The following HCFC1 variants were observed in gnomAD, a reference collection of about 807,000 sequenced individuals.
HCFC1 encodes the protein host cell factor C1.
HCFC1 carries 7 observed loss-of-function variants against 105.5 expected under a neutral mutation model. The observed-to-expected ratio is 0.07, with a 90% CI of 0.04 to 0.12. The LOEUF is 0.12. Ranked by LOEUF, HCFC1 falls within the 10% of genes least tolerant of loss-of-function variation. The pLI, the probability that HCFC1 is intolerant of heterozygous loss-of-function variation, is 1.00. For missense variants in HCFC1, 1,065 were observed against 1,823.6 expected (o/e 0.58, Z 7.58); for synonymous variants, 918 against 828.1 (o/e 1.11, Z -1.86).
Position 153,952,537 on chromosome X carries a change from T to C in HCFC1, c.4919A>G (p.Gln1640Arg). The C allele has an allele frequency of 1.7e-6, 2 of 1,175,930 alleles. No homozygotes were observed. The highest frequency in any genetic ancestry group is 3.5e-5 in the African/African-American group (2 of 57,107). The part of the protein sequence containing the change: ...AQALAIQAVL[Q>R]AAQQAVMGTG... Reference sequence around the variant, plus strand: ...ACCCATGACGGCCTGCTGCGCGGCCTGGAGCACCGCCTGGATGGCCAGGGC... The same window carrying C: ...ACCCATGACGGCCTGCTGCGCGGCCCGGAGCACCGCCTGGATGGCCAGGGC... Residue 1640 changes from glutamine to arginine, a missense_variant, in exon 19 of 26, where the codon CAG becomes CGG. By Grantham distance (43) the Gln-to-Arg change is conservative. Around this residue, in one of 17 missense-constraint regions of HCFC1, gnomAD observed 115 missense variants for 143.7 expected, o/e 0.80. Coordinates refer to ENST00000310441, the MANE Select transcript of HCFC1 (RefSeq NM_005334.3).
At chrX:153,956,044 C>T in intron 16 of HCFC1, 147 bp downstream of exon 16, 1 of 517,332 alleles carries the variant, frequency 1.9e-6, no homozygotes, top group South Asian at 3.0e-5. Flanking sequence ...AGGGAAAATG[C>T]CCCAGGTGAG....
chrX:153,958,779 C>T lies in HCFC1; in HGVS notation c.1606-13G>A, dbSNP rs782300809. The T allele has an allele frequency of 5.1e-5, 58 of 1,140,034 alleles. No homozygotes were observed. The Admixed American group carries it at 7.6e-4, about 15-fold the overall frequency. The allele number at this position is 1,140,034 out of a possible 1,213,427, so 94.0% of individuals were successfully genotyped here. ...TACTGCCAATCACCTGCAGCAGGCA[C>T]GGGCATGTGAGGCCAGGTCACAGGT... On this transcript the variant is annotated splice_polypyrimidine_tract_variant and intron_variant, in intron 9 of 25. Coordinates refer to ENST00000310441, the MANE Select transcript of HCFC1 (RefSeq NM_005334.3).
chrX:153,958,838 G>T, intron 9 of HCFC1, 72 bp from the exon 10 acceptor site: 1 of 844,868 alleles, frequency 1.2e-6, no homozygotes, highest in Non-Finnish European at 1.6e-6. Flanking sequence ...GACCTCACCG[G>T]AACCTGCCCA....
chrX:153,959,499 G>A lies in HCFC1; in HGVS notation c.1445-8C>T. 1 of 1,211,005 alleles carries A rather than the reference G, an allele frequency of 8.3e-7. No homozygotes were observed. Among genetic ancestry groups the A allele is most frequent in the Non-Finnish European group, 1.1e-6 (1 of 895,028 alleles). ...TGAGAACAGCAGGGACACCTGATGAGAGAAGGGGCCAGCCGTCAGCCATCA... is the reference window on the plus strand; with the variant it reads ...TGAGAACAGCAGGGACACCTGATGAAAGAAGGGGCCAGCCGTCAGCCATCA... On this transcript the variant is annotated splice_region_variant and splice_polypyrimidine_tract_variant and intron_variant, in intron 8 of 25. Transcript: ENST00000310441.
chrX:153,956,791 A>C (rs782089252), intron 14 of HCFC1, 28 bp from the exon 15 acceptor site: 1 of 1,207,546 alleles, frequency 8.3e-7, no homozygotes, highest in Non-Finnish European at 1.1e-6. Flanking sequence ...AGTGCCACCA[A>C]CGTCACCACC....
chrX:153,966,838 G>A (rs1159982108), intron 1 of HCFC1, among the ~76,000 whole-genome samples: 1 of 112,624 alleles, frequency 8.9e-6, no homozygotes, highest in Admixed American at 9.3e-5. Context: ...ATGGGGCTGC[G>A]GGTCAGAGTT....
intron 5 of HCFC1, 86 bp downstream of exon 5, chrX:153,962,136 C>T (rs1369055884): frequency 2.8e-6 from 2 of 721,616 alleles, no homozygotes; most frequent in Non-Finnish European, 4.3e-6. Context: ...GCCTTAGGGT[C>T]TGACAGGACA....
At position 153,958,716 on chromosome X, in the gene HCFC1, C is replaced by T. The variant is rs781870452; in HGVS notation, c.1656G>A (p.Ala552=). The part of the protein sequence containing the change: ...QMSGMAALAA[A]AAATQKIPPS... Reference sequence around the variant, plus strand: ...GGGGGATCTTCTGGGTGGCAGCGGCCGCAGCGGCCAGTGCGGCCATCCCAC... The same window carrying T: ...GGGGGATCTTCTGGGTGGCAGCGGCTGCAGCGGCCAGTGCGGCCATCCCAC... Residue 552 remains alanine, a synonymous_variant, in exon 10 of 26, where the codon GCG becomes GCA. Coordinates refer to ENST00000310441, the MANE Select transcript of HCFC1 (RefSeq NM_005334.3). 8 of 1,191,917 alleles carry T rather than the reference C, an allele frequency of 6.7e-6. No homozygotes were observed. The highest frequency in any genetic ancestry group is 3.0e-5 in the East Asian group (1 of 33,030).
chrX:153,970,858 C>T lies in HCFC1; in HGVS notation c.-18G>A. On this transcript the variant is annotated 5_prime_UTR_variant, in exon 1 of 26. Transcript: ENST00000310441. ...GAAGCCATAGTTCCGGGAAAGGGTG[C>T]GGTGGGGAGAAGTCAACAAGCGGGA... 1.8e-6 allele frequency: 2 copies of T among 1,133,957 alleles called. No individual in the cohort carries two copies. The highest frequency in any genetic ancestry group is 1.8e-5 in the African/African-American group (1 of 54,220). The allele number at this position is 1,133,957 out of a possible 1,213,427, so 93.5% of individuals were successfully genotyped here. A position where few individuals can be genotyped will look rare whatever the true frequency, so the allele number is the denominator to read the frequency against.
rs782757775 is a variant in HCFC1, at chrX:153,956,668, G to A, written c.2592C>T (p.Ala864=). The A allele has an allele frequency of 8.2e-5, 99 of 1,210,237 alleles. 1 individual carries two copies. The South Asian group carries it at 1.7e-3, about 20-fold the overall frequency. The part of the protein sequence containing the change: ...VRLVTPVTVS[A]VKPAVTTLVV... ...CCAACGTGGTGACGGCTGGCTTGAC[G>A]GCGGAGACGGTGACGGGTGTGACCA... Residue 864 remains alanine, a synonymous_variant, in exon 15 of 26, where the codon GCC becomes GCT. Transcript: ENST00000310441.
intron 9 of HCFC1, 110 bp from the exon 10 acceptor site, chrX:153,958,876 T>A: frequency 5.4e-6 from 3 of 559,887 alleles, no homozygotes; most frequent in Non-Finnish European, 8.0e-6. Flanking sequence ...GGGAGCCTCA[T>A]CCCGCCAGCA....
chrX:153,952,531 G>A lies in HCFC1; in HGVS notation c.4925C>T (p.Ala1642Val), dbSNP rs782330667. 3 of 1,167,215 alleles carry A rather than the reference G, an allele frequency of 2.6e-6. No individual in the cohort carries two copies. Among genetic ancestry groups the A allele is most frequent in the East Asian group, 3.0e-5 (1 of 33,320 alleles). Reference protein sequence around the residue: ...ALAIQAVLQAAQQAVMGTGEP... With the variant: ...ALAIQAVLQAVQQAVMGTGEP... ...GCACTCACCCATGACGGCCTGCTGC[G>A]CGGCCTGGAGCACCGCCTGGATGGC... The change falls in exon 19 of 26, where the codon GCG (alanine) becomes GTG (valine). Residue 1642 changes from alanine to valine, a missense_variant. Ala to Val is a moderately conservative substitution (Grantham distance 64, BLOSUM62 0). Around this residue, in one of 17 missense-constraint regions of HCFC1, gnomAD observed 115 missense variants for 143.7 expected, o/e 0.80. Coordinates refer to ENST00000310441, the MANE Select transcript of HCFC1 (RefSeq NM_005334.3).
rs1220748352 is a variant in HCFC1 at position 153,952,082 on chromosome X, C to T, written c.5019G>A (p.Glu1673=). The T allele has an allele frequency of 8.6e-7, 1 of 1,163,568 alleles. No homozygotes were observed. Among genetic ancestry groups the T allele is most frequent in the Non-Finnish European group, 1.1e-6 (1 of 872,952 alleles). Reference sequence around the variant, plus strand: ...TGGTGGTGGCCTGGCCCTCCTGACCCTCGGCCGACAGGTGCCCCAGCTCCG... The same window carrying T: ...TGGTGGTGGCCTGGCCCTCCTGACCTTCGGCCGACAGGTGCCCCAGCTCCG... ...TQAELGHLSA[E]GQEGQATTIP... Residue 1673 remains glutamate, a synonymous_variant, in exon 20 of 26, where the codon GAG becomes GAA. Coordinates refer to ENST00000310441, the MANE Select transcript of HCFC1 (RefSeq NM_005334.3).
intron 4 of HCFC1, among the ~76,000 whole-genome samples, chrX:153,962,716 GACA>G (rs1259279400): frequency 2.7e-5 from 3 of 111,973 alleles, no homozygotes; most frequent in African/African-American, 9.8e-5. Flanking sequence ...TGATCTATAG[GACA>G]ACATCGCCAT....
chrX:153,949,092 G>A lies in HCFC1; in HGVS notation c.*255C>T, dbSNP rs1199534282. 6 of 300,479 alleles carry A rather than the reference G, an allele frequency of 2.0e-5. No individual in the cohort carries two copies. Among genetic ancestry groups the A allele is most frequent in the Non-Finnish European group, 1.2e-5 (2 of 172,164 alleles). The allele number at this position is 300,479 out of a possible 1,213,427, so 24.8% of individuals were successfully genotyped here. On this transcript the variant is annotated 3_prime_UTR_variant, in exon 26 of 26. Transcript: ENST00000310441. ...GCAAAAGTCTCTCCCCAGGGTGGGC[G>A]GCAGCGGGGAGGAAAGGAAGCGCGC...
intron 21 of HCFC1, 28 bp from the exon 22 acceptor site, chrX:153,951,515 T>C: frequency 1.7e-6 from 2 of 1,210,052 alleles, no homozygotes; most frequent in Admixed American, 2.2e-5. Context: ...TGCGACGAGA[T>C]CAGGCCCTCA....
chrX:153,963,495 G>T, intron 3 of HCFC1, 62 bp from the exon 4 acceptor site: 3 of 820,025 alleles, frequency 3.7e-6, no homozygotes, highest in Non-Finnish European at 3.6e-6. Flanking sequence ...TTCGCTGGAT[G>T]GCTATCAGTG....
At position 153,950,909 on chromosome X, in the gene HCFC1, G is replaced by T. The variant is rs1557112256; in HGVS notation, c.5607C>A (p.Ile1869=). ...TGAAGGGCCCCCGGCCACAGGCATTGATTCCGGCAACACGAAACTTATAGG... is the reference window on the plus strand; with the variant it reads ...TGAAGGGCCCCCGGCCACAGGCATTTATTCCGGCAACACGAAACTTATAGG... ...GTAYKFRVAG[I]NACGRGPFSE... Residue 1869 remains isoleucine, a synonymous_variant, in exon 23 of 26, where the codon ATC becomes ATA. Transcript: ENST00000310441. 1 of 1,210,844 alleles carries T rather than the reference G, an allele frequency of 8.3e-7. No individual in the cohort carries two copies. Among genetic ancestry groups the T allele is most frequent in the Non-Finnish European group, 1.1e-6 (1 of 894,916 alleles).
At position 153,954,923 on chromosome X, in the gene HCFC1, G is replaced by A. The variant is rs1181652440; in HGVS notation, c.3476C>T (p.Ala1159Val). ...ISVATGALEA[A>V]QGSKSQCQTR... The stretch of plus-strand genomic sequence containing the variant: ...TTGGCACTGGGACTTAGAGCCCTGG[G>A]CTGCCTCCAGCGCCCCAGTGGCCAC... Residue 1159 changes from alanine to valine, a missense_variant, in exon 17 of 26, where the codon GCC (alanine) becomes GTC (valine). Transcript: ENST00000310441. 1.7e-6 allele frequency: 2 copies of A among 1,181,058 alleles called. No homozygotes were observed. Among genetic ancestry groups the A allele is most frequent in the Non-Finnish European group, 2.3e-6 (2 of 882,889 alleles).
Sources: gnomAD v4.1 joint callset for allele counts (sites outside exome capture counted in the v4.1 genomes callset) on GRCh38, gnomAD v4.1.1 for gene constraint, gnomAD v4.1.1 regional missense constraint, MANE v1.5 for transcripts, NCBI Gene and HGNC (gene_info 2026-07-23, HGNC 2026-07-21) for gene names.